Variants in INSC observed in about 807,000 individuals in gnomAD.
INSC encodes INSC spindle orientation adaptor protein.
A neutral mutation model predicts 58.6 loss-of-function variants in INSC; 67 were observed. That is an observed-to-expected ratio of 1.14 (90% CI 0.94 to 1.40). The LOEUF is 1.40. INSC is among the 40% of genes most tolerant of loss of function. The pLI, the probability that INSC is intolerant of heterozygous loss-of-function variation, is 0.00. For missense variants in INSC, 714 were observed against 692.0 expected, an observed-to-expected ratio of 1.03 and a Z score of -0.36; for synonymous variants, 262 against 276.1, an observed-to-expected ratio of 0.95 and a Z score of 0.51.
intron 2 of INSC, among the ~76,000 whole-genome samples, chr11:15,159,809 T>A (rs1319989632): frequency 6.6e-6 from 1 of 152,208 alleles, no homozygotes; most frequent in Non-Finnish European, 1.5e-5. Context: ...TCAACTGAGA[T>A]AATACATGTG....
intron 9 of INSC, among the ~76,000 whole-genome samples, chr11:15,229,985 A>T (rs1436670962): frequency 2.8e-4 from 7 of 24,868 alleles, no homozygotes; most frequent in Non-Finnish European, 1.3e-4. Flanking sequence ...TATATTATAT[A>T]TATATATATA....
intron 2 of INSC, among the ~76,000 whole-genome samples, chr11:15,154,576 A>G (rs1395548883): frequency 6.6e-6 from 1 of 152,128 alleles, no homozygotes; most frequent in Non-Finnish European, 1.5e-5. Context: ...AAAGTTTGCA[A>G]TCTCATCATC....
At chr11:15,113,539 G>A (rs1195188925), upstream of INSC, among the ~76,000 whole-genome samples, 2 of 152,170 alleles carry the variant, frequency 1.3e-5, no homozygotes, top group African/African-American at 2.4e-5. Flanking sequence ...TAAGACTGTG[G>A]TTTCAGTGGT....
At chr11:15,138,014 G>C (rs1417860924) in intron 1 of INSC, among the ~76,000 whole-genome samples, 1 of 152,148 alleles carries the variant, frequency 6.6e-6, no homozygotes, top group Non-Finnish European at 1.5e-5. Flanking sequence ...GGGCATTGTA[G>C]GGTTTGTAAC....
chr11:15,159,137 C>T (rs1267620142), intron 2 of INSC, among the ~76,000 whole-genome samples: 1 of 152,174 alleles, frequency 6.6e-6, no homozygotes, highest in Non-Finnish European at 1.5e-5. Flanking sequence ...TCTTTTGTCC[C>T]TGGGTCTGCC....
intron 9 of INSC, 145 bp downstream of exon 9, chr11:15,225,973 G>GT: frequency 4.0e-6 from 3 of 758,876 alleles, no homozygotes; most frequent in Non-Finnish European, 6.2e-6. Context: ...TATTCTCCAC[G>GT]TTTCTCATTG....
chr11:15,146,030 A>G (rs1848483225), intron 1 of INSC, among the ~76,000 whole-genome samples: 1 of 152,220 alleles, frequency 6.6e-6, no homozygotes, highest in East Asian at 1.9e-4. Context: ...TTCCCACTGA[A>G]TTTAAGAGGT....
Position 15,200,897 on chromosome 11 carries a change from G to A in INSC, c.767G>A (p.Arg256His), listed in dbSNP as rs375901136. 5.9e-5 allele frequency: 96 copies of A among 1,613,572 alleles called. No homozygotes were observed. The highest frequency in any genetic ancestry group is 4.9e-4 in the East Asian group (22 of 44,802). The stretch of plus-strand genomic sequence containing the variant: ...CGGTGCTTGTACCCCCAGGCGCTCC[G>A]CACGCTGGCCTCCATCTGCTGCGTG... ...SFRCLYPQALRTLASICCVEE... is the reference protein window; with the variant it reads ...SFRCLYPQALHTLASICCVEE... The change falls in exon 7 of 13, where the codon CGC becomes CAC. Residue 256 changes from arginine (R) to histidine (H), a missense_variant. Transcript: ENST00000379556.
intron 1 of INSC, among the ~76,000 whole-genome samples, chr11:15,121,746 C>T (rs1847879105): frequency 6.6e-6 from 1 of 152,092 alleles, no homozygotes; most frequent in Non-Finnish European, 1.5e-5. Context: ...AAATCTTTTC[C>T]CCACTCCCTC....
Position 15,143,985 on chromosome 11 carries a change from C to T in INSC, c.-45-5145C>T, listed in dbSNP as rs550571943. ...CCACAAGGCCTCAGAAAGAAATCTC[C>T]TTTCAGTCTCAAGCTCCTAGTCCTG... On this transcript the variant is annotated intron_variant, in intron 1 of 12. Transcript: ENST00000379556. Among the ~76,000 whole-genome samples, 39 of 152,288 alleles carry T rather than the reference C, an allele frequency of 2.6e-4. 1 individual carries two copies. The South Asian group carries it at 7.7e-3, about 30-fold the overall frequency.
intron 12 of INSC, among the ~76,000 whole-genome samples, chr11:15,245,692 A>G (rs1360079664): frequency 6.6e-6 from 1 of 152,338 alleles, no homozygotes; most frequent in African/African-American, 2.4e-5. Context: ...CTTAGTGATC[A>G]AGGTGCAAAT....
At chr11:15,257,054 C>T in the INSC span, among the ~76,000 whole-genome samples, 2,373 of 152,272 alleles carry the variant, frequency 0.016, 53 homozygotes, top group Admixed American at 0.056. Context: ...TATTTTCCAA[C>T]ATTTAAGTGG....
upstream of INSC, chr11:15,112,364 C>T: frequency 1.1e-6 from 1 of 932,332 alleles, no homozygotes; most frequent in East Asian, 2.5e-5. Context: ...CCTTGAGTCA[C>T]AGGCCTTCTC....
At chr11:15,157,420 C>T (rs534465892) in intron 2 of INSC, among the ~76,000 whole-genome samples, 62 of 152,270 alleles carry the variant, frequency 4.1e-4, no homozygotes, top group African/African-American at 1.2e-3. Context: ...ATCAGTTGTT[C>T]GTACTTGCAA....
chr11:15,149,705 G>A (rs1339210682), intron 2 of INSC, among the ~76,000 whole-genome samples: 2 of 152,154 alleles, frequency 1.3e-5, no homozygotes, highest in East Asian at 1.9e-4. Context: ...CCCGGATAAC[G>A]AGGGGAGAGG....
chr11:15,175,611 A>T, intron 2 of INSC, 130 bp from the exon 3 acceptor site: 1 of 563,578 alleles, frequency 1.8e-6, no homozygotes, highest in Non-Finnish European at 2.9e-6. Context: ...GAGAATATCA[A>T]GGTGCATGAA....
chr11:15,260,543 G>C, the INSC span, among the ~76,000 whole-genome samples: 4 of 152,228 alleles, frequency 2.6e-5, no homozygotes, highest in Non-Finnish European at 4.4e-5. Context: ...AAGCTCACAT[G>C]GTTGTTGTAA....
intron 1 of INSC, among the ~76,000 whole-genome samples, chr11:15,119,252 G>A (rs1847809158): frequency 6.6e-6 from 1 of 152,222 alleles, no homozygotes; most frequent in African/African-American, 2.4e-5. Context: ...GAAGGGGTGG[G>A]AAAGGCCTCC....
intron 4 of INSC, 52 bp downstream of exon 4, chr11:15,177,215 G>C (rs569063611): frequency 1.4e-6 from 2 of 1,440,876 alleles, no homozygotes; most frequent in Non-Finnish European, 2.0e-6. Context: ...CCTCTGGCAG[G>C]AGAAGGGGCT....
Sources: allele counts gnomAD v4.1 joint callset (sites outside exome capture counted in the v4.1 genomes callset), GRCh38; gene constraint gnomAD v4.1.1; transcripts MANE v1.5; gene names NCBI Gene and HGNC (gene_info 2026-07-23, HGNC 2026-07-21).